CLSTN1: variants seen among roughly 807,000 people sequenced by gnomAD.
The protein encoded by CLSTN1 is calsyntenin-1.
A neutral mutation model predicts 108.3 loss-of-function variants in CLSTN1; 28 were observed. The ratio of observed to expected loss-of-function variants is 0.26; its 90% CI spans 0.19 to 0.35. The LOEUF (loss-of-function observed/expected upper bound fraction) is 0.35. Among genes scored for constraint, CLSTN1 ranks in the 10% least tolerant of loss-of-function variants. CLSTN1 has a pLI of 1.00. For missense variants in CLSTN1, 1,157 were observed against 1,302.6 expected (o/e 0.89, Z 1.72); for synonymous variants, 524 against 534.9 (o/e 0.98, Z 0.28).
At chr1:9,797,645 G>A (rs1654068916) in intron 1 of CLSTN1, among the ~76,000 whole-genome samples, 1 of 147,308 alleles carries the variant, frequency 6.8e-6, no homozygotes, top group South Asian at 2.1e-4. Context: ...TGTCTCAAAA[G>A]AAGAGAAGAG....
chr1:9,786,648 C>CAAAAAAAAAAA (rs36003203), intron 1 of CLSTN1, among the ~76,000 whole-genome samples: 2 of 37,090 alleles, frequency 5.4e-5, no homozygotes, highest in Admixed American at 3.1e-4. Context: ...GACTCCGTCT[C>CAAAAAAAAAAA]AAAAAAAAAA....
intron 2 of CLSTN1, among the ~76,000 whole-genome samples, chr1:9,772,659 T>C (rs1652748319): frequency 6.6e-6 from 1 of 152,182 alleles, no homozygotes; most frequent in Non-Finnish European, 1.5e-5. Context: ...ATGTACACGG[T>C]TATTACAGTA....
chr1:9,770,085 AAAAG>A lies in CLSTN1; in HGVS notation c.214+3183_214+3186del, dbSNP rs1305500175. 1.2e-4 allele frequency among the ~76,000 whole-genome samples: 19 copies of A among 152,296 alleles called. No homozygotes were observed. In the East Asian group the frequency reaches 2.7e-3, roughly 22 times the overall value. On this transcript the variant is annotated intron_variant, in intron 2 of 18. Transcript: ENST00000377298. ...CATATGAATTATCTCCAAAAAAGAA[AAAAG>A]AAAGAAAAAATATTATATGAGTAAC...
At chr1:9,814,247 C>CAAA (rs558624346) in intron 1 of CLSTN1, among the ~76,000 whole-genome samples, 4 of 94,938 alleles carry the variant, frequency 4.2e-5, no homozygotes, top group African/African-American at 1.1e-4. Context: ...CCATCTCTAC[C>CAAA]AAAAAAAAAA....
chr1:9,751,013 T>C lies in CLSTN1; in HGVS notation c.649+460A>G, dbSNP rs1331730566. ...CCGGGAGGCAGAGGTTGCAGTGAGC[T>C]GAGATCGCACCACTGTACTCCAGCC... On this transcript the variant is annotated intron_variant, in intron 5 of 18. Coordinates refer to ENST00000377298, the MANE Select transcript of CLSTN1 (RefSeq NM_001009566.3). Among the ~76,000 whole-genome samples, 97 of 150,936 alleles carry C rather than the reference T, an allele frequency of 6.4e-4. 1 individual carries two copies. The highest frequency in any genetic ancestry group is 2.1e-3 in the African/African-American group (87 of 41,130).
Position 9,734,135 on chromosome 1 carries a change from T to C in CLSTN1, c.2118A>G (p.Glu706=), listed in dbSNP as rs1406531007. 2 of 1,613,820 alleles carry C rather than the reference T, an allele frequency of 1.2e-6. No individual in the cohort carries two copies. Among genetic ancestry groups the C allele is most frequent in the Non-Finnish European group, 1.7e-6 (2 of 1,179,954 alleles). ...GDGAEDPTVQ[E]SLVSEEIVHD... ...GCACGATCTCCTCGGACACCAGTGA[T>C]TCTTGAACTGCAAAAGAGGCCCAAC... Residue 706 remains glutamate, a synonymous_variant, in exon 15 of 19, where the codon GAA becomes GAG. Coordinates refer to ENST00000377298, the MANE Select transcript of CLSTN1 (RefSeq NM_001009566.3). The surrounding 1 kb of genome is among the most constrained non-coding windows in gnomAD (Gnocchi z 4.8).
At position 9,737,509 on chromosome 1, in the gene CLSTN1, A is replaced by C. The variant is rs749460579; in HGVS notation, c.1565T>G (p.Val522Gly). 2 of 1,614,018 alleles carry C rather than the reference A, an allele frequency of 1.2e-6. No homozygotes were observed. Among genetic ancestry groups the C allele is most frequent in the East Asian group, 4.5e-5 (2 of 44,886 alleles). The change falls in exon 11 of 19, where the codon GTG (valine) becomes GGG (glycine). Residue 522 changes from valine to glycine, a missense_variant. Physicochemically the swap from Val to Gly is moderately radical, Grantham distance 109. Transcript: ENST00000377298. ...AAAAATCCAGCAACCTGCAGAGGCC[A>C]CAGTCACAGGCTCAGTTTCATTGTC... ...ENDNETEPVT[V>G]ASAGGDLHMT...
chr1:9,805,148 G>A (rs1350221080), intron 1 of CLSTN1, among the ~76,000 whole-genome samples: 1 of 151,924 alleles, frequency 6.6e-6, no homozygotes, highest in East Asian at 1.9e-4. Flanking sequence ...GAAAGCAAGG[G>A]GCAATGTAAA....
At chr1:9,772,865 C>A (rs781508502) in intron 2 of CLSTN1, among the ~76,000 whole-genome samples, 1 of 152,134 alleles carries the variant, frequency 6.6e-6, no homozygotes, top group East Asian at 1.9e-4. Context: ...TGTGATTCTC[C>A]GGCTCCATGC....
chr1:9,764,129 A>T (rs953208077), intron 2 of CLSTN1, among the ~76,000 whole-genome samples: 11 of 147,802 alleles, frequency 7.4e-5, no homozygotes, highest in Admixed American at 6.0e-4. Context: ...AGAGAGAGAG[A>T]GGGAGAGAGA....
chr1:9,795,994 G>C (rs2101245771), intron 1 of CLSTN1, among the ~76,000 whole-genome samples: 1 of 149,568 alleles, frequency 6.7e-6, no homozygotes, highest in African/African-American at 2.4e-5. Context: ...GCTGGGCATG[G>C]TGGCTGACAC....
chr1:9,785,897 C>T (rs1025056338), intron 1 of CLSTN1, among the ~76,000 whole-genome samples: 3 of 151,930 alleles, frequency 2.0e-5, no homozygotes, highest in African/African-American at 4.8e-5. Context: ...ACATTAAGGC[C>T]GGGCACGGTA....
chr1:9,774,558 T>C (rs1008113196), intron 1 of CLSTN1, among the ~76,000 whole-genome samples: 5 of 149,828 alleles, frequency 3.3e-5, no homozygotes, highest in African/African-American at 1.2e-4. Context: ...AGAGTGAGAC[T>C]CCGCCTCAAA....
intron 9 of CLSTN1, among the ~76,000 whole-genome samples, chr1:9,743,592 G>C (rs557983909): frequency 1.6e-4 from 25 of 152,254 alleles, no homozygotes; most frequent in African/African-American, 6.0e-4. Flanking sequence ...CTGTCATCCA[G>C]GCTGGAGTGA....
chr1:9,782,446 CA>C (rs1007321661), intron 1 of CLSTN1, among the ~76,000 whole-genome samples: 9 of 150,226 alleles, frequency 6.0e-5, no homozygotes, highest in African/African-American at 2.2e-4. Context: ...TAATGTGTTT[CA>C]AAAAAAAACT....
chr1:9,787,790 A>G (rs1653564850), intron 1 of CLSTN1, among the ~76,000 whole-genome samples: 2 of 151,370 alleles, frequency 1.3e-5, no homozygotes, highest in Admixed American at 1.3e-4. Flanking sequence ...ACAGGCCAAT[A>G]GCATTAAGTA....
At chr1:9,771,812 A>C (rs1382388354) in intron 2 of CLSTN1, among the ~76,000 whole-genome samples, 1 of 152,142 alleles carries the variant, frequency 6.6e-6, no homozygotes, top group Non-Finnish European at 1.5e-5. Context: ...GACTGTGCTG[A>C]AAATGTGATG....
chr1:9,801,526 C>T (rs1457023672), intron 1 of CLSTN1, among the ~76,000 whole-genome samples: 1 of 152,084 alleles, frequency 6.6e-6, no homozygotes, highest in Non-Finnish European at 1.5e-5. Context: ...GGAATACTTC[C>T]TAACTCATTC....
chr1:9,758,009 G>C (rs1297850865), intron 2 of CLSTN1, among the ~76,000 whole-genome samples: 3 of 151,930 alleles, frequency 2.0e-5, no homozygotes, highest in African/African-American at 4.8e-5. Context: ...TGTTTTGGGG[G>C]GGGGTGGGAA....
Sources: gnomAD v4.1 joint callset for allele counts (sites outside exome capture counted in the v4.1 genomes callset) on GRCh38, gnomAD v4.1.1 for gene constraint, Gnocchi (gnomAD v3.1) non-coding constraint, MANE v1.5 for transcripts, NCBI Gene and HGNC (gene_info 2026-07-23, HGNC 2026-07-21) for gene names.